Variants in DNAJC15 observed in about 807,000 individuals in gnomAD.
DNAJC15 encodes the protein DnaJ heat shock protein family (Hsp40) member C15, also known as dnaJ homolog subfamily C member 15.
DNAJC15 carries 27 observed loss-of-function variants against 22.4 expected under a neutral mutation model. The observed-to-expected ratio is 1.20, with a 90% CI of 0.89 to 1.66. The LOEUF is 1.66. Among genes scored for constraint, DNAJC15 ranks in the 40% most tolerant of loss-of-function variants. The pLI is 0.00. For synonymous variants in DNAJC15, 79 were observed against 63.2 expected, an observed-to-expected ratio of 1.25 and a Z score of -1.19; for missense variants, 208 against 187.1, an observed-to-expected ratio of 1.11 and a Z score of -0.65.
At chr13:43,034,007 G>A (rs1434849661) in intron 1 of DNAJC15, among the ~76,000 whole-genome samples, 1 of 131,720 alleles carries the variant, frequency 7.6e-6, no homozygotes. Flanking sequence ...CAGCCTGGGC[G>A]ACAAGAGTAA....
At chr13:43,040,652 G>A (rs2040449174) in intron 1 of DNAJC15, among the ~76,000 whole-genome samples, 1 of 152,082 alleles carries the variant, frequency 6.6e-6, no homozygotes, top group Non-Finnish European at 1.5e-5. Flanking sequence ...GGAAAAAAGG[G>A]GGCCCAGGGG....
intron 1 of DNAJC15, among the ~76,000 whole-genome samples, chr13:43,057,607 G>T (rs2040538007): frequency 6.6e-6 from 1 of 152,136 alleles, no homozygotes; most frequent in Admixed American, 6.5e-5. Flanking sequence ...ACAATTTAGA[G>T]ATTTCTTCTT....
At chr13:43,048,240 G>A (rs2040486323) in intron 1 of DNAJC15, among the ~76,000 whole-genome samples, 1 of 151,950 alleles carries the variant, frequency 6.6e-6, no homozygotes, top group Non-Finnish European at 1.5e-5. Context: ...AGCACTTTGG[G>A]AGGCCAAGGC....
chr13:43,050,743 T>A (rs1447089179), intron 1 of DNAJC15, among the ~76,000 whole-genome samples: 3 of 152,198 alleles, frequency 2.0e-5, no homozygotes, highest in Non-Finnish European at 4.4e-5. Flanking sequence ...TTAAACCCTT[T>A]CAATAGAGAA....
intron 5 of DNAJC15, among the ~76,000 whole-genome samples, chr13:43,097,317 A>G (rs1046334696): frequency 6.6e-6 from 1 of 152,188 alleles, no homozygotes; most frequent in Admixed American, 6.5e-5. Context: ...AAACGAGAAC[A>G]TATGGTTTGT....
chr13:43,108,363 C>T lies in DNAJC15; in HGVS notation c.*1115C>T, dbSNP rs922217222. 1 of 152,170 alleles carries T rather than the reference C, an allele frequency of 6.6e-6. No individual in the cohort carries two copies. Among genetic ancestry groups the T allele is most frequent in the African/African-American group, 2.4e-5 (1 of 41,446 alleles). The allele number at this position is 152,170 out of a possible 1,614,324, so 9.4% of individuals were successfully genotyped here. A position where few individuals can be genotyped will look rare whatever the true frequency, so the allele number is the denominator to read the frequency against. On this transcript the variant is annotated 3_prime_UTR_variant, in exon 6 of 6. Coordinates refer to ENST00000379221, the MANE Select transcript of DNAJC15 (RefSeq NM_013238.3). Reference sequence around the variant, plus strand: ...CATCAAAGGCCAGCCCTGTGACTTACACTGCATTAAATTAATTTCTTAGAA... The same window carrying T: ...CATCAAAGGCCAGCCCTGTGACTTATACTGCATTAAATTAATTTCTTAGAA...
At chr13:43,027,055 T>A (rs905816744) in intron 1 of DNAJC15, among the ~76,000 whole-genome samples, 2 of 152,188 alleles carry the variant, frequency 1.3e-5, no homozygotes, top group Non-Finnish European at 1.5e-5. Context: ...TTACAATTAA[T>A]GGTTTAATAG....
At chr13:43,072,559 C>G (rs910629507) in intron 3 of DNAJC15, among the ~76,000 whole-genome samples, 3 of 151,856 alleles carry the variant, frequency 2.0e-5, no homozygotes, top group Non-Finnish European at 2.9e-5. Flanking sequence ...TTTCATCTAT[C>G]CACCGAATTC....
At chr13:43,087,817 G>A (rs1447926435) in intron 5 of DNAJC15, among the ~76,000 whole-genome samples, 1 of 152,158 alleles carries the variant, frequency 6.6e-6, no homozygotes, top group Admixed American at 6.6e-5. Context: ...AAAATTAGGT[G>A]TGGGAAATGG....
chr13:43,062,488 A>G (rs566072589), intron 1 of DNAJC15, among the ~76,000 whole-genome samples: 1 of 152,318 alleles, frequency 6.6e-6, no homozygotes, highest in East Asian at 1.9e-4. Context: ...AGACAAATGG[A>G]AATAATCAAC....
In DNAJC15 at chr13:43,109,694, C is replaced by T. The variant is rs2040815241; in HGVS notation, c.*2446C>T. On this transcript the variant is annotated 3_prime_UTR_variant, in exon 6 of 6. Coordinates refer to ENST00000379221, the MANE Select transcript of DNAJC15 (RefSeq NM_013238.3). Reference sequence around the variant, plus strand: ...CTATAAAATAGAGAAAATAATCCTACACACCGGGGCCTGTTGTGGGGCGGG... The same window carrying T: ...CTATAAAATAGAGAAAATAATCCTATACACCGGGGCCTGTTGTGGGGCGGG... The T allele has an allele frequency of 6.6e-6, 1 of 152,014 alleles. No homozygotes were observed. Among genetic ancestry groups the T allele is most frequent in the Non-Finnish European group, 1.5e-5 (1 of 68,018 alleles). The allele number at this position is 152,014 out of a possible 1,614,324, so 9.4% of individuals were successfully genotyped here. A position where few individuals can be genotyped will look rare whatever the true frequency, so the allele number is the denominator to read the frequency against.
chr13:43,068,332 C>A (rs1267415760), intron 2 of DNAJC15, among the ~76,000 whole-genome samples: 1 of 151,936 alleles, frequency 6.6e-6, no homozygotes, highest in Admixed American at 6.5e-5. Context: ...TTGGGATTCC[C>A]AACTAGGGAA....
chr13:43,052,145 A>G (rs1400234476), intron 1 of DNAJC15, among the ~76,000 whole-genome samples: 1 of 151,838 alleles, frequency 6.6e-6, no homozygotes, highest in East Asian at 1.9e-4. Context: ...TTGTATTTTT[A>G]GTAGAGACAG....
rs184802649 is a variant in DNAJC15 at position 43,103,370 on chromosome 13, G to T, written c.383-3808G>T. Among the ~76,000 whole-genome samples the T allele has an allele frequency of 1.6e-3, 250 of 152,278 alleles. 3 individuals are homozygous for T. The highest frequency in any genetic ancestry group is 2.6e-4 in the Non-Finnish European group (18 of 68,014). ...ATTGAAGAAAAAAGTATGTATATAA[G>T]ATCCAGGTTTTACAGGGGTACACTG... On this transcript the variant is annotated intron_variant, in intron 5 of 5. Transcript: ENST00000379221.
chr13:43,070,643 G>A (rs2040604168), intron 3 of DNAJC15, among the ~76,000 whole-genome samples: 1 of 152,134 alleles, frequency 6.6e-6, no homozygotes, highest in Non-Finnish European at 1.5e-5. Context: ...AGCTTCCTAG[G>A]TGGTGGGATC....
At chr13:43,067,244 A>G (rs2040588524) in intron 2 of DNAJC15, among the ~76,000 whole-genome samples, 1 of 152,092 alleles carries the variant, frequency 6.6e-6, no homozygotes, top group South Asian at 2.1e-4. Flanking sequence ...CACTATTTTA[A>G]CCTTTTGTCT....
intron 1 of DNAJC15, among the ~76,000 whole-genome samples, chr13:43,042,666 G>T (rs533054028): frequency 2.0e-5 from 3 of 152,344 alleles, no homozygotes; most frequent in African/African-American, 4.8e-5. Flanking sequence ...TCTAAAATTT[G>T]TAGGGCAGGC....
At chr13:43,064,009 C>T (rs2040571610) in intron 1 of DNAJC15, among the ~76,000 whole-genome samples, 1 of 152,198 alleles carries the variant, frequency 6.6e-6, no homozygotes, top group Non-Finnish European at 1.5e-5. Flanking sequence ...CTATTTCAGG[C>T]AGGCTAGACA....
At chr13:43,042,503 A>C (rs1475676608) in intron 1 of DNAJC15, among the ~76,000 whole-genome samples, 1 of 152,234 alleles carries the variant, frequency 6.6e-6, no homozygotes, top group East Asian at 1.9e-4. Flanking sequence ...GCAGGAGTGC[A>C]TTAAGAGTCA....
Sources: allele counts gnomAD v4.1 joint callset (sites outside exome capture counted in the v4.1 genomes callset), GRCh38; gene constraint gnomAD v4.1.1; transcripts MANE v1.5; gene names NCBI Gene and HGNC (gene_info 2026-07-23, HGNC 2026-07-21).